Variants in SYT14 observed in about 807,000 individuals in gnomAD.
SYT14 encodes the protein synaptotagmin-14.
In SYT14, 32 loss-of-function variants were observed where a neutral mutation model predicts 74.2. The ratio of observed to expected loss-of-function variants is 0.43; its 90% CI spans 0.33 to 0.58. SYT14 has a LOEUF of 0.58. SYT14 is among the 20% of genes least tolerant of loss of function. The probability of loss-of-function intolerance (pLI) is 0.05; values close to 1 mark genes in which losing one functional copy is unlikely to be tolerated. For missense variants in SYT14, 791 were observed against 981.8 expected, an observed-to-expected ratio of 0.81 and a Z score of 2.60; for synonymous variants, 298 against 337.7, an observed-to-expected ratio of 0.88 and a Z score of 1.29.
chr1:210,100,988 C>T (rs1438964750), intron 7 of SYT14, among the ~76,000 whole-genome samples: 3 of 152,082 alleles, frequency 2.0e-5, no homozygotes, highest in Admixed American at 2.0e-4. Context: ...ACTTTCCACC[C>T]TTTTTAAACA....
chr1:210,116,962 A>G (rs1252025972), intron 7 of SYT14, among the ~76,000 whole-genome samples: 3 of 152,316 alleles, frequency 2.0e-5, no homozygotes, highest in Middle Eastern at 3.4e-3. Context: ...ATAACCTGGA[A>G]TGCAATAAGC....
At chr1:209,964,293 A>T (rs1177575766) in intron 2 of SYT14, among the ~76,000 whole-genome samples, 1 of 152,202 alleles carries the variant, frequency 6.6e-6, no homozygotes, top group Non-Finnish European at 1.5e-5. Flanking sequence ...AGGCCTTCCC[A>T]GCCGTGTAGA....
Position 210,104,105 on chromosome 1 carries a change from A to G in SYT14, c.2034+3644A>G, listed in dbSNP as rs144423443. On this transcript the variant is annotated intron_variant, in intron 7 of 9. Coordinates refer to ENST00000637265, the Ensembl canonical transcript of SYT14. ...GTCAGATCATGTTTCCATGAAGTTG[A>G]TGGTGGAGGTATCTGGTGTTCAGAG... is the stretch of plus-strand genomic sequence containing the variant. 5.1e-4 allele frequency among the ~76,000 whole-genome samples: 78 copies of G among 152,336 alleles called. 1 individual carries two copies. The highest frequency in any genetic ancestry group is 1.8e-3 in the African/African-American group (73 of 41,580).
rs535521363 is a variant in SYT14 at position 210,059,123 on chromosome 1, G to A, written c.1313-35199G>A. Among the ~76,000 whole-genome samples the A allele has an allele frequency of 4.6e-5, 7 of 152,120 alleles. 1 individual carries two copies. The South Asian group carries it at 1.2e-3, about 27-fold the overall frequency. On this transcript the variant is annotated intron_variant, in intron 5 of 9. Transcript: ENST00000637265. ...GGAAATTAAGTTAGACCTGGGAATG[G>A]AGTTTTAAATTCTACTAGCTTTAAA...
chr1:209,940,990 C>G (rs2078721163), intron 1 of SYT14, among the ~76,000 whole-genome samples: 1 of 152,136 alleles, frequency 6.6e-6, no homozygotes, highest in Non-Finnish European at 1.5e-5. Context: ...TCAACTAAAA[C>G]CACAGTCTCT....
At chr1:209,958,113 T>C (rs1206550539) in intron 2 of SYT14, among the ~76,000 whole-genome samples, 1 of 152,170 alleles carries the variant, frequency 6.6e-6, no homozygotes, top group Non-Finnish European at 1.5e-5. Flanking sequence ...AAGAACCTAA[T>C]TTCATTTTTT....
intron 2 of SYT14, among the ~76,000 whole-genome samples, chr1:209,974,754 C>A (rs1352155586): frequency 6.6e-6 from 1 of 152,126 alleles, no homozygotes; most frequent in Non-Finnish European, 1.5e-5. Context: ...TGAAGAAAGT[C>A]ATTGGTAGCT....
chr1:210,104,993 G>C (rs1163488060), intron 7 of SYT14, among the ~76,000 whole-genome samples: 10 of 152,130 alleles, frequency 6.6e-5, no homozygotes, highest in Admixed American at 4.6e-4. Context: ...TACATTAATA[G>C]ATGAGCAGCA....
At chr1:210,151,340 T>G (rs904581467) in intron 7 of SYT14, among the ~76,000 whole-genome samples, 2 of 151,912 alleles carry the variant, frequency 1.3e-5, no homozygotes, top group South Asian at 4.2e-4. Flanking sequence ...CCCTGAGGAG[T>G]AGTCTGAGGA....
intron 5 of SYT14, among the ~76,000 whole-genome samples, chr1:210,048,002 CTCCATTTTGGAAGACCTTTT>C (rs2080918744): frequency 6.6e-6 from 1 of 152,164 alleles, no homozygotes; most frequent in South Asian, 2.1e-4. Context: ...CACTAGATTG[CTCCATTTTGGAAGACCTTTT>C]TCCACTTTTT....
chr1:210,146,720 GTA>G (rs2102686743), intron 7 of SYT14, among the ~76,000 whole-genome samples: 1 of 150,922 alleles, frequency 6.6e-6, no homozygotes, highest in East Asian at 1.9e-4. Context: ...TATATATGAT[GTA>G]CATACGTAGT....
exon 10 of SYT14, chr1:210,170,580 C>T (rs951293599): frequency 6.6e-5 from 10 of 151,826 alleles, no homozygotes; most frequent in Non-Finnish European, 1.5e-5. Context: ...TTTTCTTCAC[C>T]TTTATGTAAA....
intron 2 of SYT14, among the ~76,000 whole-genome samples, chr1:209,973,043 G>T (rs972421602): frequency 6.6e-6 from 1 of 152,154 alleles, no homozygotes; most frequent in East Asian, 1.9e-4. Flanking sequence ...GGGTGTGTAT[G>T]TATTTAGGAT....
chr1:210,163,881 C>G (rs2083423550), exon 10 of SYT14: 1 of 453,740 alleles, frequency 2.2e-6, no homozygotes, highest in African/African-American at 2.0e-5. Context: ...TAGGGACCTA[C>G]TGGTAGGGAG....
intron 2 of SYT14, among the ~76,000 whole-genome samples, chr1:209,971,013 A>G (rs957370910): frequency 2.0e-5 from 3 of 151,824 alleles, no homozygotes; most frequent in African/African-American, 7.3e-5. Flanking sequence ...TTACTCTCCA[A>G]TCCATGAGCA....
At chr1:210,082,613 T>C (rs2081637407) in intron 5 of SYT14, among the ~76,000 whole-genome samples, 1 of 152,194 alleles carries the variant, frequency 6.6e-6, no homozygotes, top group South Asian at 2.1e-4. Context: ...ATAATTATCA[T>C]CCAATATATG....
intron 5 of SYT14, among the ~76,000 whole-genome samples, chr1:210,041,766 A>G (rs1203454754): frequency 6.6e-6 from 1 of 152,036 alleles, no homozygotes; most frequent in East Asian, 1.9e-4. Flanking sequence ...GAGACAGAAT[A>G]CTCTTACAAG....
chr1:209,995,505 G>A (rs957564156), intron 2 of SYT14, among the ~76,000 whole-genome samples: 1 of 152,198 alleles, frequency 6.6e-6, no homozygotes, highest in African/African-American at 2.4e-5. Flanking sequence ...CTTGTCCTAC[G>A]AAAAGACATA....
At chr1:210,114,286 G>A (rs2102590162) in intron 7 of SYT14, among the ~76,000 whole-genome samples, 1 of 151,546 alleles carries the variant, frequency 6.6e-6, no homozygotes, top group Non-Finnish European at 1.5e-5. Context: ...AAGATCCTGG[G>A]GGAGGAGGTC....
Sources: gnomAD v4.1 joint callset for allele counts (sites outside exome capture counted in the v4.1 genomes callset) on GRCh38, gnomAD v4.1.1 for gene constraint, MANE v1.5 for transcripts, NCBI Gene and HGNC (gene_info 2026-07-23, HGNC 2026-07-21) for gene names.